DGCR2: variants seen among roughly 807,000 people sequenced by gnomAD.
The protein encoded by DGCR2 is DiGeorge syndrome critical region gene 2, also known as integral membrane protein DGCR2/IDD.
In DGCR2, 24 loss-of-function variants were observed where a neutral mutation model predicts 51.6. The observed-to-expected ratio is 0.47, with a 90% CI of 0.34 to 0.65. The LOEUF (loss-of-function observed/expected upper bound fraction) is 0.65, where lower values mean the gene tolerates loss of function less well. Among genes scored for constraint, DGCR2 ranks in the 30% least tolerant of loss-of-function variants. The pLI is 0.01. For missense variants in DGCR2, 765 were observed against 772.1 expected (o/e 0.99, Z 0.11); for synonymous variants, 340 against 315.4 (o/e 1.08, Z -0.82).
At chr22:19,069,289 G>A (rs776501349) in intron 2 of DGCR2, among the ~76,000 whole-genome samples, 5 of 152,234 alleles carry the variant, frequency 3.3e-5, no homozygotes, top group Non-Finnish European at 2.9e-5. Flanking sequence ...AACCTGAACC[G>A]GCAGTCAGCG....
chr22:19,076,512 G>A (rs1294131340), intron 2 of DGCR2, among the ~76,000 whole-genome samples: 1 of 152,006 alleles, frequency 6.6e-6, no homozygotes, highest in African/African-American at 2.4e-5. Flanking sequence ...TGTTTTAGTA[G>A]CTGCACCAGT....
chr22:19,063,328 A>G (rs1170499858), intron 4 of DGCR2, 50 bp from the exon 5 acceptor site: 4 of 1,550,234 alleles, frequency 2.6e-6, no homozygotes, highest in Non-Finnish European at 3.6e-6. Flanking sequence ...GGAGGGATGC[A>G]ACCATCAATG....
At chr22:19,063,364 C>G (rs2082709080) in intron 4 of DGCR2, 86 bp from the exon 5 acceptor site, 2 of 1,301,360 alleles carry the variant, frequency 1.5e-6, no homozygotes, top group Non-Finnish European at 2.2e-6. Flanking sequence ...TTTTTTGAGA[C>G]AGAGTCTCGC....
At chr22:19,121,094 G>A (rs1361282798) in intron 1 of DGCR2, among the ~76,000 whole-genome samples, 1 of 152,192 alleles carries the variant, frequency 6.6e-6, no homozygotes. Context: ...GCCTGGCTAG[G>A]GCACAGGAGA....
At chr22:19,042,562 G>C (rs190922167) in intron 7 of DGCR2, among the ~76,000 whole-genome samples, 1 of 152,222 alleles carries the variant, frequency 6.6e-6, no homozygotes, top group African/African-American at 2.4e-5. Flanking sequence ...TGGAGTGGGG[G>C]TGACGCCCCT....
intron 2 of DGCR2, among the ~76,000 whole-genome samples, chr22:19,076,724 A>ATTTTTTTTTTTTTTTTT (rs1165827499): frequency 1.3e-5 from 1 of 79,936 alleles, no homozygotes; most frequent in Admixed American, 1.7e-4. Context: ...TCCTTTGCAC[A>ATTTTTTTTTTTTTTTTT]TTTTTTTTTT....
intron 1 of DGCR2, among the ~76,000 whole-genome samples, chr22:19,110,828 C>A (rs1334433224): frequency 6.6e-6 from 1 of 152,102 alleles, no homozygotes; most frequent in Non-Finnish European, 1.5e-5. Context: ...GTTTCTCTAT[C>A]TGTAAAATGA....
intron 3 of DGCR2, among the ~76,000 whole-genome samples, chr22:19,067,100 G>A (rs1391226969): frequency 6.6e-6 from 1 of 152,160 alleles, no homozygotes; most frequent in Non-Finnish European, 1.5e-5. Flanking sequence ...GGGTTGGTGG[G>A]GGTTCTGCCA....
At chr22:19,081,220 C>G (rs1745795133) in intron 2 of DGCR2, among the ~76,000 whole-genome samples, 1 of 152,198 alleles carries the variant, frequency 6.6e-6, no homozygotes, top group Non-Finnish European at 1.5e-5. Flanking sequence ...TGTGAGCGAC[C>G]TCCCCACACC....
At chr22:19,094,581 T>C (rs1236184862) in intron 1 of DGCR2, among the ~76,000 whole-genome samples, 3 of 152,228 alleles carry the variant, frequency 2.0e-5, no homozygotes, top group Non-Finnish European at 2.9e-5. Context: ...TGGAAAACAA[T>C]TTGACAGTTT....
At position 19,036,724 on chromosome 22, in the gene DGCR2, T is replaced by TGGCCTGAGTGCTTGTGGA. The variant is rs1329054648; in HGVS notation, c.*2123_*2140dup. ...CCTTCTGCCTGGCCCAACGTGCCAG[T>TGGCCTGAGTGCTTGTGGA]GGCCTGAGTGCTTGTGGAGGCCCAT... On this transcript the variant is annotated 3_prime_UTR_variant, in exon 10 of 10. Transcript: ENST00000263196. 53 of 149,218 alleles carry TGGCCTGAGTGCTTGTGGA rather than the reference T, an allele frequency of 3.6e-4. No individual in the cohort carries two copies. The highest frequency in any genetic ancestry group is 1.2e-3 in the African/African-American group (49 of 40,378). The allele number at this position is 149,218 out of a possible 1,614,324, so 9.2% of individuals were successfully genotyped here. A position where few individuals can be genotyped will look rare whatever the true frequency, so the allele number is the denominator to read the frequency against.
chr22:19,104,599 T>G (rs1375276555), intron 1 of DGCR2, among the ~76,000 whole-genome samples: 1 of 152,290 alleles, frequency 6.6e-6, no homozygotes, highest in Non-Finnish European at 1.5e-5. Flanking sequence ...CTGCTCGCAC[T>G]ACTCACAGCC....
At position 19,079,614 on chromosome 22, in the gene DGCR2, G is replaced by A. The variant is rs1368087683; in HGVS notation, c.202+9754C>T. Among the ~76,000 whole-genome samples, 5 of 152,190 alleles carry A rather than the reference G, an allele frequency of 3.3e-5. No homozygotes were observed. In the South Asian group the frequency reaches 1.0e-3, roughly 32 times the overall value. On this transcript the variant is annotated intron_variant, in intron 2 of 9. Coordinates refer to ENST00000263196, the MANE Select transcript of DGCR2 (RefSeq NM_005137.3). ...AGGGATTACTGTGTGCTACATTCTT[G>A]TCTAATCCCTTTATATGTAGCATGT...
chr22:19,066,835 G>C (rs1047545298), intron 3 of DGCR2, among the ~76,000 whole-genome samples: 6 of 152,226 alleles, frequency 3.9e-5, no homozygotes, highest in African/African-American at 1.4e-4. Context: ...ACAGGCAAGG[G>C]GAAGGAAGAA....
chr22:19,048,330 C>T (rs948500897), intron 7 of DGCR2, 110 bp downstream of exon 7: 37 of 1,150,030 alleles, frequency 3.2e-5, no homozygotes, highest in South Asian at 2.3e-4. Flanking sequence ...TGCTGCTGCG[C>T]GATGCTCCAT....
At chr22:19,054,047 A>G (rs982023930) in intron 6 of DGCR2, among the ~76,000 whole-genome samples, 2 of 152,244 alleles carry the variant, frequency 1.3e-5, no homozygotes, top group Admixed American at 1.3e-4. Context: ...ACTAGATGCA[A>G]TGCATGATTC....
intron 2 of DGCR2, among the ~76,000 whole-genome samples, chr22:19,077,160 T>C (rs1043992942): frequency 1.3e-5 from 2 of 152,206 alleles, no homozygotes; most frequent in African/African-American, 4.8e-5. Flanking sequence ...CTCTGTTGAG[T>C]GCTTCTTTTA....
At chr22:19,091,964 G>A (rs1391720999) in intron 1 of DGCR2, among the ~76,000 whole-genome samples, 1 of 152,014 alleles carries the variant, frequency 6.6e-6, no homozygotes, top group African/African-American at 2.4e-5. Flanking sequence ...CAGAAAAATA[G>A]AGAAAATAAG....
chr22:19,094,904 C>T (rs2083121526), intron 1 of DGCR2, among the ~76,000 whole-genome samples: 1 of 151,736 alleles, frequency 6.6e-6, no homozygotes. Context: ...TACTGTATGA[C>T]AACATTTATA....
Sources: gnomAD v4.1 joint callset for allele counts (sites outside exome capture counted in the v4.1 genomes callset) on GRCh38, gnomAD v4.1.1 for gene constraint, MANE v1.5 for transcripts, NCBI Gene and HGNC (gene_info 2026-07-23, HGNC 2026-07-21) for gene names.